ITPR1: variants seen among roughly 807,000 people sequenced by gnomAD.
The protein encoded by ITPR1 is inositol 1,4,5-trisphosphate receptor type 1.
In ITPR1, 96 loss-of-function variants were observed where a neutral mutation model predicts 318.4. The observed-to-expected ratio is 0.30, with a 90% CI of 0.26 to 0.36. ITPR1 has a LOEUF of 0.36. Among genes scored for constraint, ITPR1 ranks in the 10% least tolerant of loss-of-function variants. The pLI is 1.00. For synonymous variants in ITPR1, 1,312 were observed against 1,289.9 expected (o/e 1.02, Z -0.37); for missense variants, 2,440 against 3,460.2 (o/e 0.71, Z 7.40).
chr3:4,750,172 C>T (rs2044395239), intron 44 of ITPR1, among the ~76,000 whole-genome samples: 1 of 152,082 alleles, frequency 6.6e-6, no homozygotes, highest in African/African-American at 2.4e-5. Context: ...CTTAATTTAC[C>T]TCAGGAGATG....
chr3:4,498,804 C>G (rs147629950), intron 2 of ITPR1, among the ~76,000 whole-genome samples: 2 of 152,324 alleles, frequency 1.3e-5, no homozygotes, highest in Non-Finnish European at 2.9e-5. Flanking sequence ...AGTTTCAACA[C>G]AAACCTATGT....
At chr3:4,706,585 C>A (rs2094762559) in intron 37 of ITPR1, among the ~76,000 whole-genome samples, 1 of 152,130 alleles carries the variant, frequency 6.6e-6, no homozygotes. Context: ...TTGCAGATTT[C>A]TTGGTGAAAA....
intron 40 of ITPR1, among the ~76,000 whole-genome samples, chr3:4,717,996 A>T (rs2041895438): frequency 6.6e-6 from 1 of 152,218 alleles, no homozygotes; most frequent in South Asian, 2.1e-4. Flanking sequence ...AAAACTATGT[A>T]TAGATCCAGA....
chr3:4,699,913 C>T lies in ITPR1; in HGVS notation c.4508C>T (p.Pro1503Leu). ...MSIVTTFFSS[P>L]FSDQSTTLQT... ...ATTGTTACTACTTTCTTCAGCTCTCCCTTCTCAGACCAGAGTACGACTTTG... is the reference window on the plus strand; with the variant it reads ...ATTGTTACTACTTTCTTCAGCTCTCTCTTCTCAGACCAGAGTACGACTTTG... The change falls in exon 35 of 62, where the codon CCC (proline) becomes CTC (leucine). Residue 1503 changes from proline to leucine, a missense_variant. Around this residue, in one of 23 missense-constraint regions of ITPR1, gnomAD observed 166 missense variants for 246.5 expected, o/e 0.67. Transcript: ENST00000649015. 1 of 1,613,816 alleles carries T rather than the reference C, an allele frequency of 6.2e-7. No individual in the cohort carries two copies. The highest frequency in any genetic ancestry group is 8.5e-7 in the Non-Finnish European group (1 of 1,179,732).
At chr3:4,669,401 C>T (rs186820130) in intron 18 of ITPR1, among the ~76,000 whole-genome samples, 70 of 152,266 alleles carry the variant, frequency 4.6e-4, no homozygotes, top group African/African-American at 2.6e-4. Flanking sequence ...TTGTCTTGTT[C>T]CTTCTTCTCA....
intron 4 of ITPR1, among the ~76,000 whole-genome samples, chr3:4,567,172 G>A (rs2087387479): frequency 6.6e-6 from 1 of 152,166 alleles, no homozygotes; most frequent in South Asian, 2.1e-4. Context: ...TGTTCAATTA[G>A]CATTAATTGA....
intron 4 of ITPR1, among the ~76,000 whole-genome samples, chr3:4,570,601 A>T (rs952666151): frequency 6.6e-6 from 1 of 152,250 alleles, no homozygotes; most frequent in African/African-American, 2.4e-5. Context: ...GCTTATTTAT[A>T]TATTTATTTT....
intron 53 of ITPR1, among the ~76,000 whole-genome samples, chr3:4,797,872 C>G (rs1393756568): frequency 1.3e-5 from 2 of 152,176 alleles, no homozygotes; most frequent in African/African-American, 4.8e-5. Context: ...CTTATGAGGA[C>G]ATTTTAAAAT....
Position 4,710,029 on chromosome 3 carries a change from A to T in ITPR1, c.4843-296A>T, listed in dbSNP as rs749514843. ...GACATCTTTCCATGTTGTTAAATTG[A>T]TTTTTTGCGTCATATTTTAAGCTAC... On this transcript the variant is annotated intron_variant, in intron 37 of 61. Transcript: ENST00000649015. The surrounding 1 kb of genome is among the most constrained non-coding windows in gnomAD (Gnocchi z 4.2). Among the ~76,000 whole-genome samples, 2 of 152,052 alleles carry T rather than the reference A, an allele frequency of 1.3e-5. No homozygotes were observed. Among genetic ancestry groups the T allele is most frequent in the Non-Finnish European group, 2.9e-5 (2 of 67,998 alleles).
intron 24 of ITPR1, among the ~76,000 whole-genome samples, chr3:4,677,932 C>T (rs1045171798): frequency 1.1e-4 from 16 of 151,952 alleles, no homozygotes; most frequent in African/African-American, 3.1e-4. Flanking sequence ...GAACCCCACC[C>T]GACAACCTGC....
At chr3:4,574,541 G>A (rs2088417273) in intron 4 of ITPR1, among the ~76,000 whole-genome samples, 1 of 152,152 alleles carries the variant, frequency 6.6e-6, no homozygotes, top group Non-Finnish European at 1.5e-5. Flanking sequence ...CAGTTTGTTT[G>A]GGATCATACT....
intron 7 of ITPR1, among the ~76,000 whole-genome samples, chr3:4,643,600 G>T (rs980129489): frequency 0.061 from 517 of 8,476 alleles, 5 homozygotes; most frequent in African/African-American, 0.078. Flanking sequence ...TGTTTTTTTG[G>T]GGGGGGGGTA....
At position 4,667,608 on chromosome 3, in the gene ITPR1, T is replaced by TA; in HGVS notation, c.1886+60dup. The TA allele has an allele frequency of 2.0e-6, 3 of 1,482,950 alleles. No individual in the cohort carries two copies. In the South Asian group the frequency reaches 3.9e-5, roughly 19 times the overall value. The allele number at this position is 1,482,950 out of a possible 1,614,324, so 91.9% of individuals were successfully genotyped here. ...TCTCTGCCTGTAAGATGCAGGGACT[T>TA]AGCTGGTGCTTTTTACTACGTTTCC... On this transcript the variant is annotated intron_variant, in intron 18 of 61. Coordinates refer to ENST00000649015, the MANE Select transcript of ITPR1 (RefSeq NM_001378452.1).
At chr3:4,718,223 C>A (rs570188206) in intron 40 of ITPR1, among the ~76,000 whole-genome samples, 1 of 152,292 alleles carries the variant, frequency 6.6e-6, no homozygotes, top group South Asian at 2.1e-4. Flanking sequence ...TTGAGGAATT[C>A]ATGTACATAA....
chr3:4,590,603 T>G (rs370045393), intron 4 of ITPR1, among the ~76,000 whole-genome samples: 4 of 151,650 alleles, frequency 2.6e-5, no homozygotes, highest in African/African-American at 9.7e-5. Context: ...TATTACAGAC[T>G]GGGACTCACT....
intron 57 of ITPR1, among the ~76,000 whole-genome samples, chr3:4,813,968 G>A (rs557777873): frequency 2.0e-5 from 3 of 152,344 alleles, no homozygotes; most frequent in East Asian, 3.9e-4. Flanking sequence ...AGCCTCCAAT[G>A]TAAAGCAGTT....
At chr3:4,727,062 G>T (rs534693945) in intron 41 of ITPR1, 64 bp from the exon 42 acceptor site, 3 of 1,218,986 alleles carry the variant, frequency 2.5e-6, no homozygotes, top group East Asian at 4.7e-5. Context: ...ATATGTGACT[G>T]ATGCTGCAGA....
At chr3:4,554,460 T>C (rs141406653) in intron 4 of ITPR1, among the ~76,000 whole-genome samples, 5 of 152,318 alleles carry the variant, frequency 3.3e-5, no homozygotes, top group African/African-American at 1.2e-4. Context: ...CATGAATCAA[T>C]TGAATCCTTG....
chr3:4,668,563 G>A (rs1252726594), intron 18 of ITPR1, among the ~76,000 whole-genome samples: 7 of 151,992 alleles, frequency 4.6e-5, no homozygotes, highest in Admixed American at 4.6e-4. Context: ...CGCCTCCCGG[G>A]TTCAAGCAAT....
Sources: allele counts gnomAD v4.1 joint callset (sites outside exome capture counted in the v4.1 genomes callset), GRCh38; gene constraint gnomAD v4.1.1; regional missense constraint gnomAD v4.1.1; non-coding constraint Gnocchi (gnomAD v3.1); transcripts MANE v1.5; gene names NCBI Gene and HGNC (gene_info 2026-07-23, HGNC 2026-07-21).